KCNB2: variants seen among roughly 807,000 people sequenced by gnomAD.
KCNB2 encodes the protein potassium voltage-gated channel subfamily B member 2.
Under a neutral mutation model 61.5 loss-of-function variants are expected in KCNB2, and 15 were observed. The observed-to-expected ratio is 0.24, with a 90% CI of 0.16 to 0.38. The LOEUF is 0.38. Ranked by LOEUF, KCNB2 falls within the 10% of genes least tolerant of loss-of-function variation. The probability of loss-of-function intolerance (pLI) is 1.00; values close to 1 mark genes in which losing one functional copy is unlikely to be tolerated. For synonymous variants in KCNB2, 457 were observed against 446.0 expected, an observed-to-expected ratio of 1.02 and a Z score of -0.31; for missense variants, 828 against 1,125.2, an observed-to-expected ratio of 0.74 and a Z score of 3.78.
chr8:72,725,585 ATGT>A (rs1807630175), intron 2 of KCNB2, among the ~76,000 whole-genome samples: 1 of 67,942 alleles, frequency 1.5e-5, no homozygotes, highest in Non-Finnish European at 2.6e-5. Flanking sequence ...GTATATATAT[ATGT>A]ATGTATATAT....
chr8:72,834,459 C>T (rs1268569063), intron 2 of KCNB2, among the ~76,000 whole-genome samples: 2 of 152,162 alleles, frequency 1.3e-5, no homozygotes, highest in South Asian at 2.1e-4. Context: ...TTAAGCCTCC[C>T]AGGAGACACC....
At chr8:72,611,439 C>A (rs72668149) in intron 2 of KCNB2, among the ~76,000 whole-genome samples, 3,468 of 152,302 alleles carry the variant, frequency 0.023, 65 homozygotes, top group Non-Finnish European at 0.037. Context: ...GACCCCAGCA[C>A]ACTAAAGTTC....
At chr8:72,574,035 G>A (rs1300458719) in intron 2 of KCNB2, among the ~76,000 whole-genome samples, 1 of 152,230 alleles carries the variant, frequency 6.6e-6, no homozygotes, top group South Asian at 2.1e-4. Flanking sequence ...AATCTGCAGA[G>A]GTTTAGCTTG....
chr8:72,831,689 A>C (rs1033601154), intron 2 of KCNB2, among the ~76,000 whole-genome samples: 1 of 152,254 alleles, frequency 6.6e-6, no homozygotes, highest in Non-Finnish European at 1.5e-5. Flanking sequence ...ATGCTTTCCC[A>C]AGTTGTTGAA....
chr8:72,826,743 AT>A (rs1809602229), intron 2 of KCNB2, among the ~76,000 whole-genome samples: 1 of 152,224 alleles, frequency 6.6e-6, no homozygotes, highest in Non-Finnish European at 1.5e-5. Flanking sequence ...AAGAAAATCC[AT>A]ATTTTGAAAA....
At chr8:72,914,065 T>C (rs1293855216) in intron 2 of KCNB2, among the ~76,000 whole-genome samples, 1 of 152,168 alleles carries the variant, frequency 6.6e-6, no homozygotes, top group Non-Finnish European at 1.5e-5. Flanking sequence ...GGCTAGGAAG[T>C]CCAAGATCAA....
rs1366941654 is a variant in KCNB2, at chr8:72,569,349, T to A, written c.579+1036T>A. The stretch of plus-strand genomic sequence containing the variant: ...CTCGTGAACAGTAATGATTTCAGAA[T>A]TTATAATAGAACATATGAGATTTTT... On this transcript the variant is annotated intron_variant, in intron 2 of 2. Transcript: ENST00000523207. Among the ~76,000 whole-genome samples the A allele has an allele frequency of 2.0e-5, 3 of 152,314 alleles. No homozygotes were observed. The East Asian group carries it at 5.8e-4, about 29-fold the overall frequency.
intron 2 of KCNB2, among the ~76,000 whole-genome samples, chr8:72,841,416 G>T (rs1164102485): frequency 1.5e-5 from 2 of 134,144 alleles, no homozygotes; most frequent in Non-Finnish European, 3.1e-5. Flanking sequence ...GGCTATGCAG[G>T]CTCTGTTTTG....
chr8:72,694,916 A>G (rs1017308708), intron 2 of KCNB2, among the ~76,000 whole-genome samples: 3 of 152,050 alleles, frequency 2.0e-5, no homozygotes, highest in Admixed American at 6.6e-5. Context: ...CTATGTTTCA[A>G]GCTCTTAAAC....
At chr8:72,555,955 C>T (rs1212654194) in intron 1 of KCNB2, among the ~76,000 whole-genome samples, 1 of 151,810 alleles carries the variant, frequency 6.6e-6, no homozygotes, top group Non-Finnish European at 1.5e-5. Context: ...GAATAATATC[C>T]TTCGTTTGTT....
intron 2 of KCNB2, among the ~76,000 whole-genome samples, chr8:72,621,387 A>G (rs533457867): frequency 2.6e-5 from 4 of 152,188 alleles, no homozygotes; most frequent in Admixed American, 6.5e-5. Flanking sequence ...GAAAGATGGG[A>G]TGGAGTATAA....
At chr8:72,775,932 C>G (rs772291011) in intron 2 of KCNB2, among the ~76,000 whole-genome samples, 2 of 152,152 alleles carry the variant, frequency 1.3e-5, no homozygotes, top group African/African-American at 4.8e-5. Context: ...AATCATGCTG[C>G]TATGAAGACA....
chr8:72,601,834 C>A (rs1805355618), intron 2 of KCNB2, among the ~76,000 whole-genome samples: 1 of 152,100 alleles, frequency 6.6e-6, no homozygotes, highest in African/African-American at 2.4e-5. Context: ...ACAATATCAC[C>A]CAAGCAGTAT....
At chr8:72,867,297 A>G (rs1805536309) in intron 2 of KCNB2, among the ~76,000 whole-genome samples, 1 of 152,240 alleles carries the variant, frequency 6.6e-6, no homozygotes, top group South Asian at 2.1e-4. Flanking sequence ...TTACTCATTT[A>G]TAAAAAAAGT....
rs1174628644 is a variant in KCNB2, at chr8:72,683,807, G to T, written c.579+115494G>T. On this transcript the variant is annotated intron_variant, in intron 2 of 2. Transcript: ENST00000523207. The stretch of plus-strand genomic sequence containing the variant: ...ACAGATAATTAGAGACATGGGCAGG[G>T]TGCTGCAGGAGTGCAGAGATGGGGC... 2.0e-5 allele frequency among the ~76,000 whole-genome samples: 3 copies of T among 152,312 alleles called. No individual in the cohort carries two copies. The East Asian group carries it at 5.8e-4, about 29-fold the overall frequency.
intron 2 of KCNB2, among the ~76,000 whole-genome samples, chr8:72,819,110 T>G (rs1304629099): frequency 6.6e-6 from 1 of 152,104 alleles, no homozygotes; most frequent in Non-Finnish European, 1.5e-5. Flanking sequence ...AAAATAATGA[T>G]TCTTCCAAGG....
In KCNB2 at chr8:72,568,105, A is replaced by T; in HGVS notation, c.371A>T (p.Asp124Val). Residue 124 changes from aspartate (D) to valine (V), a missense_variant, in exon 2 of 3, where the codon GAT becomes GTT. Coordinates refer to ENST00000523207, the MANE Select transcript of KCNB2 (RefSeq NM_004770.3). ...GCACTTTCGTTTGGCCAAGAACTTG[A>T]TTACTGGGGGATTGATGAGATCTAC... ...MCALSFGQEL[D>V]YWGIDEIYLE... is the part of the protein sequence containing the mutation. 1 of 1,614,114 alleles carries T rather than the reference A, an allele frequency of 6.2e-7. No homozygotes were observed. Among genetic ancestry groups the T allele is most frequent in the Non-Finnish European group, 8.5e-7 (1 of 1,180,020 alleles).
chr8:72,639,919 A>G (rs1806028511), intron 2 of KCNB2, among the ~76,000 whole-genome samples: 2 of 152,086 alleles, frequency 1.3e-5, no homozygotes, highest in South Asian at 4.1e-4. Context: ...AAAAAGGTTA[A>G]ACAGATGGCA....
At chr8:72,671,541 T>A (rs1806565880) in intron 2 of KCNB2, among the ~76,000 whole-genome samples, 1 of 152,170 alleles carries the variant, frequency 6.6e-6, no homozygotes, top group Non-Finnish European at 1.5e-5. Flanking sequence ...ACTGAAATTA[T>A]GATAAGAAAA....
Sources: gnomAD v4.1 joint callset for allele counts (sites outside exome capture counted in the v4.1 genomes callset) on GRCh38, gnomAD v4.1.1 for gene constraint, MANE v1.5 for transcripts, NCBI Gene and HGNC (gene_info 2026-07-23, HGNC 2026-07-21) for gene names.